The following BAIAP2 variants were observed in gnomAD, a reference collection of about 807,000 sequenced individuals.
BAIAP2 encodes BAR/IMD domain containing adaptor protein 2.
BAIAP2 carries 18 observed loss-of-function variants against 63.0 expected under a neutral mutation model. The observed-to-expected ratio is 0.29, with a 90% confidence interval of 0.20 to 0.42. The LOEUF (loss-of-function observed/expected upper bound fraction) is 0.42. Ranked by LOEUF, BAIAP2 falls within the 10% of genes least tolerant of loss-of-function variation. The probability of loss-of-function intolerance (pLI) is 1.00; values close to 1 mark genes in which losing one functional copy is unlikely to be tolerated. For missense variants in BAIAP2, 610 were observed against 734.3 expected, an observed-to-expected ratio of 0.83 and a Z score of 1.96; for synonymous variants, 386 against 307.6, an observed-to-expected ratio of 1.25 and a Z score of -2.67.
At chr17:81,098,239 G>A (rs1484199934) in intron 6 of BAIAP2, 8 of 1,276,658 alleles carry the variant, frequency 6.3e-6, no homozygotes, top group Non-Finnish European at 8.0e-6. Flanking sequence ...AGGCTGGGAG[G>A]CGCCTCTGCC....
chr17:81,108,313 A>AG, intron 12 of BAIAP2, 162 bp from the exon 13 acceptor site: 1 of 694,564 alleles, frequency 1.4e-6, no homozygotes, highest in Non-Finnish European at 2.5e-6. Context: ...GGCTCCAGGC[A>AG]GGTCTCTGAG....
chr17:81,068,490 G>A (rs1598615081), intron 3 of BAIAP2, among the ~76,000 whole-genome samples: 1 of 152,212 alleles, frequency 6.6e-6, no homozygotes, highest in South Asian at 2.1e-4. Context: ...GCTGTAGGAG[G>A]GCAGCGATGC....
intron 13 of BAIAP2, chr17:81,109,681 G>C (rs1259753134): frequency 1.0e-6 from 1 of 985,186 alleles, no homozygotes; most frequent in African/African-American, 1.7e-5. Context: ...GGACACTGCG[G>C]GCCAGGTGTA....
intron 13 of BAIAP2, among the ~76,000 whole-genome samples, chr17:81,111,656 C>T (rs2059942578): frequency 6.6e-6 from 1 of 152,238 alleles, no homozygotes; most frequent in African/African-American, 2.4e-5. Context: ...ACTCTGGAGT[C>T]CGGGTCTGAG....
intron 3 of BAIAP2, among the ~76,000 whole-genome samples, chr17:81,069,603 C>G (rs1006469694): frequency 3.9e-5 from 6 of 152,340 alleles, no homozygotes; most frequent in Non-Finnish European, 8.8e-5. Context: ...TAGCCCCTTC[C>G]TTTTCGGGAG....
chr17:81,102,414 C>T (rs543761783), intron 7 of BAIAP2, among the ~76,000 whole-genome samples: 3 of 152,242 alleles, frequency 2.0e-5, no homozygotes, highest in Non-Finnish European at 2.9e-5. Flanking sequence ...AGCCAGGGCT[C>T]GGCAGACGTT....
chr17:81,075,734 G>A (rs561811650), intron 3 of BAIAP2, among the ~76,000 whole-genome samples: 3 of 152,250 alleles, frequency 2.0e-5, no homozygotes, highest in Admixed American at 6.5e-5. Context: ...CCAGGTAGGG[G>A]CCACTTAGAA....
intron 6 of BAIAP2, chr17:81,098,319 C>G (rs781099513): frequency 5.7e-5 from 35 of 612,856 alleles, no homozygotes; most frequent in Non-Finnish European, 8.1e-5. Context: ...CTCTCTCCCC[C>G]AAACTCCCCC....
intron 1 of BAIAP2, chr17:81,037,007 C>T (rs1190262338): frequency 4.7e-6 from 7 of 1,476,312 alleles, no homozygotes; most frequent in African/African-American, 2.8e-5. Flanking sequence ...ACCCCGTGAT[C>T]GTCCTTAATA....
At chr17:81,075,633 G>T (rs1255242201) in intron 3 of BAIAP2, among the ~76,000 whole-genome samples, 2 of 152,178 alleles carry the variant, frequency 1.3e-5, no homozygotes, top group Non-Finnish European at 2.9e-5. Flanking sequence ...CCCTCTCCAA[G>T]GACCCTACCT....
chr17:81,085,468 G>T, intron 4 of BAIAP2, 186 bp from the exon 5 acceptor site: 2 of 698,922 alleles, frequency 2.9e-6, no homozygotes, highest in Non-Finnish European at 5.2e-6. Context: ...TTCAGCACTC[G>T]CTCCTGGCTC....
At chr17:81,075,686 C>T (rs1252430556) in intron 3 of BAIAP2, among the ~76,000 whole-genome samples, 3 of 152,202 alleles carry the variant, frequency 2.0e-5, no homozygotes, top group Non-Finnish European at 4.4e-5. Context: ...CCTTTCAGTG[C>T]TACGCGTATC....
rs1239992023 is a variant in BAIAP2, at chr17:81,117,386, A to C, written c.*1547A>C. On this transcript the variant is annotated 3_prime_UTR_variant, in exon 14 of 14. Transcript: ENST00000428708. ...AAGCCTCAAACAAAACACAAAACAA[A>C]TCCCCCTGCGAAGCAACAATAAACT... is the stretch of plus-strand genomic sequence containing the variant. 2.0e-5 allele frequency: 3 copies of C among 152,246 alleles called. No homozygotes were observed. The highest frequency in any genetic ancestry group is 7.2e-5 in the African/African-American group (3 of 41,432). The allele number at this position is 152,246 out of a possible 1,614,324, so 9.4% of individuals were successfully genotyped here.
rs113778053 is a variant in BAIAP2 at position 81,035,175 on chromosome 17, C to T, written c.-80C>T. ...TGTGGTTCGGGTCCGCTTTCGTCTC[C>T]GTCCTGCTGCCGTTACCGCCGCTGC... is the stretch of plus-strand genomic sequence containing the variant. On this transcript the variant is annotated 5_prime_UTR_variant, in exon 1 of 14. Transcript: ENST00000428708. The T allele has an allele frequency of 5.8e-3, 7,148 of 1,225,436 alleles. 344 individuals carry two copies. In the African/African-American group the frequency reaches 0.1, roughly 17 times the overall value. 75.9% of individuals were successfully genotyped at this position (1,225,436 alleles called of 1,614,324 possible).
chr17:81,057,978 C>CCCCG lies in BAIAP2; in HGVS notation c.217+14_217+15insGCCC. On this transcript the variant is annotated intron_variant, in intron 3 of 13. Coordinates refer to ENST00000428708, the MANE Select transcript of BAIAP2 (RefSeq NM_001144888.2). ...GCTCCAAAGAACTCGGTGAGACCCC[C>CCCCG]CCCCCCCCCCCGCCTGGTAGTCGCC... 2.6e-6 allele frequency: 2 copies of CCCCG among 762,748 alleles called. No homozygotes were observed. The highest frequency in any genetic ancestry group is 3.5e-6 in the Non-Finnish European group (2 of 568,244). The allele number at this position is 762,748 out of a possible 1,614,324, so 47.2% of individuals were successfully genotyped here.
rs922650910 is a variant in BAIAP2, at chr17:81,036,916, G to A, written c.54+1608G>A. On this transcript the variant is annotated intron_variant, in intron 1 of 13. Coordinates refer to ENST00000428708, the MANE Select transcript of BAIAP2 (RefSeq NM_001144888.2). ...TTTTTCCTATTTTTTCTCCTTCTGC[G>A]CTGAAACCAGAAAGCAGGAACTTTC... is the stretch of plus-strand genomic sequence containing the variant. 13 of 1,535,802 alleles carry A rather than the reference G, an allele frequency of 8.5e-6. No homozygotes were observed. In the East Asian group the frequency reaches 9.8e-5, roughly 12 times the overall value.
At chr17:81,068,326 G>A (rs748622713) in intron 3 of BAIAP2, among the ~76,000 whole-genome samples, 4 of 152,236 alleles carry the variant, frequency 2.6e-5, no homozygotes, top group African/African-American at 9.6e-5. Context: ...AGCAGACCAC[G>A]CCCATGGCAG....
chr17:81,093,331 C>T (rs1019743791), intron 6 of BAIAP2, among the ~76,000 whole-genome samples: 2 of 152,188 alleles, frequency 1.3e-5, no homozygotes, highest in African/African-American at 2.4e-5. Flanking sequence ...ACTCCTGCTG[C>T]AGAGGAGGGT....
intron 6 of BAIAP2, among the ~76,000 whole-genome samples, chr17:81,088,615 T>C (rs2056145920): frequency 6.6e-6 from 1 of 152,256 alleles, no homozygotes; most frequent in Non-Finnish European, 1.5e-5. Context: ...GTCCGGCCTT[T>C]GGTGCCTGGT....
Sources: gnomAD v4.1 joint callset for allele counts (sites outside exome capture counted in the v4.1 genomes callset) on GRCh38, gnomAD v4.1.1 for gene constraint, MANE v1.5 for transcripts, NCBI Gene and HGNC (gene_info 2026-07-23, HGNC 2026-07-21) for gene names.